Variants in HTR2C observed in about 807,000 individuals in gnomAD.
HTR2C encodes the protein 5-hydroxytryptamine (serotonin) receptor 2C, G protein-coupled.
HTR2C carries 5 observed loss-of-function variants against 21.0 expected under a neutral mutation model. The observed-to-expected ratio is 0.24, with a 90% CI of 0.12 to 0.50. The LOEUF (loss-of-function observed/expected upper bound fraction) is 0.50, where lower values mean the gene tolerates loss of function less well. Ranked by LOEUF, HTR2C falls within the 20% of genes least tolerant of loss-of-function variation. The pLI is 0.98. For missense variants in HTR2C, 271 were observed against 371.2 expected (o/e 0.73, Z 2.22); for synonymous variants, 150 against 145.3 (o/e 1.03, Z -0.23).
At chrX:114,642,515 TA>T (rs1332730990) in intron 2 of HTR2C, among the ~76,000 whole-genome samples, 5 of 112,327 alleles carry the variant, frequency 4.5e-5, no homozygotes, top group Non-Finnish European at 7.5e-5. Context: ...ATAGAAAGTT[TA>T]AAAAACTTAA....
chrX:114,656,500 A>G (rs782187077), intron 2 of HTR2C, among the ~76,000 whole-genome samples: 1 of 111,224 alleles, frequency 9.0e-6, no homozygotes, highest in East Asian at 2.8e-4. Flanking sequence ...TGCTTTACCT[A>G]TAACTCTCTA....
At chrX:114,757,408 C>T (rs2069823840) in intron 4 of HTR2C, among the ~76,000 whole-genome samples, 1 of 111,667 alleles carries the variant, frequency 9.0e-6, no homozygotes, top group South Asian at 3.7e-4. Flanking sequence ...ACTTCATAAT[C>T]TTCAAAAACA....
intron 2 of HTR2C, among the ~76,000 whole-genome samples, chrX:114,720,296 T>G (rs1171729981): frequency 9.0e-6 from 1 of 110,944 alleles, no homozygotes; most frequent in East Asian, 2.8e-4. Flanking sequence ...TTTGTGTAGG[T>G]AGCACTGATA....
intron 4 of HTR2C, among the ~76,000 whole-genome samples, chrX:114,836,392 G>C (rs887077528): frequency 1.8e-5 from 2 of 112,822 alleles, no homozygotes; most frequent in African/African-American, 6.4e-5. Flanking sequence ...AACCAGGTGC[G>C]GGATATAATC....
chrX:114,694,612 T>C, intron 2 of HTR2C, among the ~76,000 whole-genome samples: 1 of 109,100 alleles, frequency 9.2e-6, no homozygotes, highest in Admixed American at 9.8e-5. Flanking sequence ...CTCAGCCTCC[T>C]GAGTAGAGTA....
At chrX:114,718,986 TA>T (rs1933088137) in intron 2 of HTR2C, among the ~76,000 whole-genome samples, 3 of 11,595 alleles carry the variant, frequency 2.6e-4, no homozygotes, top group Non-Finnish European at 6.4e-4. Flanking sequence ...ATATATAATA[TA>T]ATAATATAAT....
rs201249233 is a variant in HTR2C at position 114,731,350 on chromosome X, C to T, written c.92C>T (p.Ala31Val). The change falls in exon 4 of 6, where the codon GCA becomes GTA. Residue 31 changes from alanine (A) to valine (V), a missense_variant. Ala to Val is a moderately conservative substitution (Grantham distance 64). Coordinates refer to ENST00000276198, the MANE Select transcript of HTR2C (RefSeq NM_000868.4). ...TCTGATATTTCTGTGAGCCCAGTAG[C>T]AGCTATAGTAACTGACATTTTCAAT... is the stretch of plus-strand genomic sequence containing the variant. ...WQSDISVSPV[A>V]AIVTDIFNTS... 4.8e-5 allele frequency: 58 copies of T among 1,203,980 alleles called. No individual in the cohort carries two copies. Among genetic ancestry groups the T allele is most frequent in the Non-Finnish European group, 6.4e-5 (57 of 890,847 alleles).
At chrX:114,730,536 C>A (rs1556422992) in intron 3 of HTR2C, among the ~76,000 whole-genome samples, 1 of 111,550 alleles carries the variant, frequency 9.0e-6, no homozygotes, top group Admixed American at 9.6e-5. Flanking sequence ...ACAATTGAAC[C>A]AGCATAATGG....
chrX:114,653,817 A>G (rs1351171613), intron 2 of HTR2C, among the ~76,000 whole-genome samples: 4 of 111,288 alleles, frequency 3.6e-5, no homozygotes, highest in African/African-American at 1.3e-4. Context: ...AAGTCAGCCC[A>G]TTTAAATATA....
At chrX:114,716,406 A>G (rs144931220) in intron 2 of HTR2C, among the ~76,000 whole-genome samples, 2,394 of 112,131 alleles carry the variant, frequency 0.021, 78 homozygotes, top group African/African-American at 0.074. Context: ...CGCTCATGGA[A>G]CATGTCAAAC....
At chrX:114,705,291 T>C (rs1430768957) in intron 2 of HTR2C, among the ~76,000 whole-genome samples, 2 of 111,451 alleles carry the variant, frequency 1.8e-5, no homozygotes, top group Non-Finnish European at 3.8e-5. Context: ...GGCATCACAC[T>C]ACCTGACTTC....
chrX:114,628,927 C>T lies in HTR2C; in HGVS notation c.-80+15046C>T, dbSNP rs191526502. ...TACTACAACTGCTTTTCAAAACTGT[C>T]AAATAATGAACATGTATTTTTCGGA... is the stretch of plus-strand genomic sequence containing the variant. On this transcript the variant is annotated intron_variant, in intron 2 of 5. Coordinates refer to ENST00000276198, the MANE Select transcript of HTR2C (RefSeq NM_000868.4). Among the ~76,000 whole-genome samples, 522 of 112,018 alleles carry T rather than the reference C, an allele frequency of 4.7e-3. 1 individual carries two copies. Among genetic ancestry groups the T allele is most frequent in the Admixed American group, 6.5e-3 (69 of 10,553 alleles).
At chrX:114,658,184 A>G (rs1556409598) in intron 2 of HTR2C, among the ~76,000 whole-genome samples, 1 of 111,733 alleles carries the variant, frequency 8.9e-6, no homozygotes, top group Non-Finnish European at 1.9e-5. Flanking sequence ...TTAAACAAGT[A>G]CAACAAATAA....
At chrX:114,688,772 C>G (rs185499626) in intron 2 of HTR2C, among the ~76,000 whole-genome samples, 86 of 111,242 alleles carry the variant, frequency 7.7e-4, no homozygotes, top group African/African-American at 2.6e-3. Flanking sequence ...CTGGCCAGGG[C>G]CTAGCATTAA....
At chrX:114,621,787 C>T (rs1303699644) in intron 2 of HTR2C, among the ~76,000 whole-genome samples, 1 of 111,829 alleles carries the variant, frequency 8.9e-6, no homozygotes. Flanking sequence ...AGAACAAGCC[C>T]GTCTAGGTTG....
At chrX:114,624,657 A>G (rs1190861727) in intron 2 of HTR2C, among the ~76,000 whole-genome samples, 2 of 111,959 alleles carry the variant, frequency 1.8e-5, no homozygotes, top group Non-Finnish European at 3.8e-5. Flanking sequence ...ATTGACTAAC[A>G]GCAACCTCTG....
intron 1 of HTR2C, among the ~76,000 whole-genome samples, chrX:114,594,731 A>T (rs1374387910): frequency 1.8e-5 from 2 of 109,761 alleles, no homozygotes; most frequent in Non-Finnish European, 3.8e-5. Flanking sequence ...TAATGCAGAT[A>T]TGTTTTTTTG....
intron 2 of HTR2C, among the ~76,000 whole-genome samples, chrX:114,686,455 G>T (rs983085899): frequency 2.7e-5 from 3 of 111,260 alleles, no homozygotes; most frequent in Non-Finnish European, 5.7e-5. Flanking sequence ...GAGGCTGAAG[G>T]TCCAATGTTA....
intron 1 of HTR2C, among the ~76,000 whole-genome samples, chrX:114,594,911 C>T (rs957411714): frequency 5.4e-5 from 6 of 111,194 alleles, no homozygotes; most frequent in Admixed American, 9.6e-5. Flanking sequence ...TATTTTCTAA[C>T]GAAGGCAACA....
Sources: allele counts gnomAD v4.1 joint callset (sites outside exome capture counted in the v4.1 genomes callset), GRCh38; gene constraint gnomAD v4.1.1; transcripts MANE v1.5; gene names NCBI Gene and HGNC (gene_info 2026-07-23, HGNC 2026-07-21).